The following GRB14 variants were observed in gnomAD, a reference collection of about 807,000 sequenced individuals.
The protein encoded by GRB14 is growth factor receptor bound protein 14.
Under a neutral mutation model 69.1 loss-of-function variants are expected in GRB14, and 38 were observed. The ratio of observed to expected loss-of-function variants is 0.55; its 90% CI spans 0.42 to 0.72. The LOEUF (loss-of-function observed/expected upper bound fraction) is 0.72, where lower values mean the gene tolerates loss of function less well. Ranked by LOEUF, GRB14 falls within the 30% of genes least tolerant of loss-of-function variation. The probability of loss-of-function intolerance (pLI) is 0.00; values close to 1 mark genes in which losing one functional copy is unlikely to be tolerated. For synonymous variants in GRB14, 247 were observed against 241.3 expected (o/e 1.02, Z -0.22); for missense variants, 666 against 666.1 (o/e 1.00, Z 0.00).
chr2:164,525,435 G>C (rs568493348), intron 4 of GRB14, among the ~76,000 whole-genome samples: 156 of 152,180 alleles, frequency 1.0e-3, no homozygotes, highest in Non-Finnish European at 1.4e-3. Flanking sequence ...ATTTTACAAG[G>C]AACAGGCTCA....
At chr2:164,526,046 C>A (rs1345294474) in intron 4 of GRB14, among the ~76,000 whole-genome samples, 3 of 152,028 alleles carry the variant, frequency 2.0e-5, no homozygotes, top group South Asian at 4.1e-4. Context: ...TTTTTAAATT[C>A]TTGTCTTTAA....
At chr2:164,502,779 T>A (rs1687091736) in intron 8 of GRB14, among the ~76,000 whole-genome samples, 1 of 152,152 alleles carries the variant, frequency 6.6e-6, no homozygotes, top group Non-Finnish European at 1.5e-5. Context: ...ACTAATGATT[T>A]ACTTTCCCTC....
intron 2 of GRB14, among the ~76,000 whole-genome samples, chr2:164,608,337 C>T (rs558162784): frequency 6.6e-6 from 1 of 151,772 alleles, no homozygotes. Context: ...ACCCACTGCA[C>T]CCCAGCCTGG....
At chr2:164,517,627 A>T (rs1687526700) in intron 6 of GRB14, among the ~76,000 whole-genome samples, 1 of 152,170 alleles carries the variant, frequency 6.6e-6, no homozygotes, top group African/African-American at 2.4e-5. Context: ...AGACTCACAT[A>T]ACACATAGGG....
rs550165200 is a variant in GRB14, at chr2:164,547,744, C to T, written c.397G>A (p.Val133Ile). 6.2e-7 allele frequency: 1 copy of T among 1,613,678 alleles called. No individual in the cohort carries two copies. Among genetic ancestry groups the T allele is most frequent in the East Asian group, 2.2e-5 (1 of 44,860 alleles). The change falls in exon 3 of 14, where the codon GTT becomes ATT. Residue 133 changes from valine to isoleucine, a missense_variant. Physicochemically the swap from Val to Ile is conservative, Grantham distance 29 (BLOSUM62 3). Transcript: ENST00000263915. ...TTCTTCAGGATCAACAGCTGACAAA[C>T]ATCTCGAGCCGTTATGTCACTGGGT... ...DVPSDITARDVCQLLILKNHY... is the reference protein window; with the variant it reads ...DVPSDITARDICQLLILKNHY...
chr2:164,591,186 T>C (rs1387934011), intron 2 of GRB14, among the ~76,000 whole-genome samples: 3 of 152,162 alleles, frequency 2.0e-5, no homozygotes, highest in Non-Finnish European at 2.9e-5. Context: ...TATAAAGACT[T>C]TCTAAGACTA....
rs1559016943 is a variant in GRB14, at chr2:164,493,009, T to C, written c.*27A>G. On this transcript the variant is annotated 3_prime_UTR_variant, in exon 14 of 14. Transcript: ENST00000263915. ...TTTTTCTTGAGTCCTTTTCCTTCAA[T>C]AGTTTAATAAGTCACTTCTGGCTTG... is the stretch of plus-strand genomic sequence containing the variant. 4 of 1,588,082 alleles carry C rather than the reference T, an allele frequency of 2.5e-6. No individual in the cohort carries two copies. In the East Asian group the frequency reaches 6.8e-5, roughly 27 times the overall value.
At chr2:164,618,083 C>A (rs1690348897) in intron 2 of GRB14, among the ~76,000 whole-genome samples, 1 of 151,978 alleles carries the variant, frequency 6.6e-6, no homozygotes, top group South Asian at 2.1e-4. Flanking sequence ...TCTCCTGCCT[C>A]CGCCTCCCGA....
intron 2 of GRB14, among the ~76,000 whole-genome samples, chr2:164,589,765 T>C (rs961423694): frequency 1.3e-5 from 2 of 152,186 alleles, no homozygotes; most frequent in Admixed American, 6.5e-5. Context: ...GAACTCTTAT[T>C]CCAAGAATAA....
At chr2:164,611,627 A>G (rs1223959838) in intron 2 of GRB14, among the ~76,000 whole-genome samples, 1 of 150,956 alleles carries the variant, frequency 6.6e-6, no homozygotes, top group Admixed American at 6.7e-5. Context: ...CTAAGTTTAG[A>G]TGCTTGGTCC....
At chr2:164,538,620 T>C (rs1688146693) in intron 3 of GRB14, among the ~76,000 whole-genome samples, 1 of 152,216 alleles carries the variant, frequency 6.6e-6, no homozygotes, top group Admixed American at 6.5e-5. Flanking sequence ...CAGAGATTCA[T>C]AACAAAATCA....
At chr2:164,515,461 T>C (rs1354182533) in intron 6 of GRB14, among the ~76,000 whole-genome samples, 1 of 151,930 alleles carries the variant, frequency 6.6e-6, no homozygotes, top group Non-Finnish European at 1.5e-5. Flanking sequence ...GAAAGAGAAA[T>C]AACACTCACT....
rs185453873 is a variant in GRB14, at chr2:164,512,337, T to G, written c.817-3485A>C. 9.9e-4 allele frequency among the ~76,000 whole-genome samples: 150 copies of G among 152,216 alleles called. 2 individuals are homozygous for G. The highest frequency in any genetic ancestry group is 1.8e-3 in the Admixed American group (27 of 15,288). ...TTGTGCCACCACGCCTGGCTAATTT[T>G]TGTATTTTTAGTAGAGAAGGGGATT... is the stretch of plus-strand genomic sequence containing the variant. On this transcript the variant is annotated intron_variant, in intron 6 of 13. Transcript: ENST00000263915.
In GRB14 at chr2:164,621,481, G is replaced by A. The variant is rs1690465059; in HGVS notation, c.-172C>T. The A allele has an allele frequency of 5.2e-6, 2 of 386,758 alleles. No individual in the cohort carries two copies. The highest frequency in any genetic ancestry group is 9.2e-5 in the Admixed American group (2 of 21,832). 24.0% of individuals were successfully genotyped at this position (386,758 alleles called of 1,614,324 possible). ...GCTGAGACGCGCGGCCGAGCTATCTGCGAGGCGGCGGGGGAGGGGAGGGGG... is the reference window on the plus strand; with the variant it reads ...GCTGAGACGCGCGGCCGAGCTATCTACGAGGCGGCGGGGGAGGGGAGGGGG... On this transcript the variant is annotated 5_prime_UTR_variant, in exon 1 of 14. Transcript: ENST00000263915. The surrounding 1 kb of genome is among the most constrained non-coding windows in gnomAD (Gnocchi z 6.0).
chr2:164,616,179 C>G (rs1273726498), intron 2 of GRB14, among the ~76,000 whole-genome samples: 2 of 152,022 alleles, frequency 1.3e-5, no homozygotes, highest in Non-Finnish European at 2.9e-5. Context: ...AATCCCAGCA[C>G]TTTGGGAGGC....
chr2:164,584,147 A>ATTTTTTTTTTTTTTTTTTTT (rs55883951), intron 2 of GRB14, among the ~76,000 whole-genome samples: 1 of 49,896 alleles, frequency 2.0e-5, no homozygotes, highest in Non-Finnish European at 3.4e-5. Flanking sequence ...CAGCCTGGCT[A>ATTTTTTTTTTTTTTTTTTTT]TTTTTTTTTT....
At chr2:164,590,322 C>T (rs1689632433) in intron 2 of GRB14, among the ~76,000 whole-genome samples, 1 of 151,980 alleles carries the variant, frequency 6.6e-6, no homozygotes, top group African/African-American at 2.4e-5. Flanking sequence ...GAATTAAGAC[C>T]AGTCACCAAT....
chr2:164,522,045 A>G lies in GRB14; in HGVS notation c.751T>C (p.Trp251Arg), dbSNP rs143954521. 34 of 1,603,872 alleles carry G rather than the reference A, an allele frequency of 2.1e-5. No homozygotes were observed. The highest frequency in any genetic ancestry group is 7.7e-6 in the Non-Finnish European group (9 of 1,172,276). ...CTTAGAAAAAAGTAAATTTTTTTCC[A>G]AGACTTCTTTCCCTGTTCTTTCGCA... is the stretch of plus-strand genomic sequence containing the variant. ...LHAKEQGKKSWKKIYFFLRRS... is the reference protein window; with the variant it reads ...LHAKEQGKKSRKKIYFFLRRS... The change falls in exon 6 of 14, where the codon TGG becomes CGG. Residue 251 changes from tryptophan (W) to arginine (R), a missense_variant. Trp to Arg is a moderately radical substitution (Grantham distance 101, BLOSUM62 -3). Coordinates refer to ENST00000263915, the MANE Select transcript of GRB14 (RefSeq NM_004490.3).
chr2:164,547,187 C>A (rs899579554), intron 3 of GRB14, among the ~76,000 whole-genome samples: 3 of 152,152 alleles, frequency 2.0e-5, no homozygotes, highest in Middle Eastern at 3.2e-3. Context: ...GAACAGGGAA[C>A]CTTGATCTCT....
Sources: gnomAD v4.1 joint callset for allele counts (sites outside exome capture counted in the v4.1 genomes callset) on GRCh38, gnomAD v4.1.1 for gene constraint, Gnocchi (gnomAD v3.1) non-coding constraint, MANE v1.5 for transcripts, NCBI Gene and HGNC (gene_info 2026-07-23, HGNC 2026-07-21) for gene names.